Variants in LARGE1 observed in about 807,000 individuals in gnomAD.
LARGE1 encodes LARGE xylosyl- and glucuronyltransferase 1.
A neutral mutation model predicts 87.6 loss-of-function variants in LARGE1; 43 were observed. The observed-to-expected ratio is 0.49, with a 90% confidence interval of 0.38 to 0.63. The LOEUF (loss-of-function observed/expected upper bound fraction) is 0.63, where lower values mean the gene tolerates loss of function less well. Ranked by LOEUF, LARGE1 falls within the 30% of genes least tolerant of loss-of-function variation. LARGE1 has a pLI of 0.00. For missense variants in LARGE1, 802 were observed against 1,000.2 expected (o/e 0.80, Z 2.67); for synonymous variants, 434 against 394.6 (o/e 1.10, Z -1.18).
intron 2 of LARGE1, chr22:33,746,342 C>A (rs1008318559): frequency 6.6e-6 from 1 of 152,212 alleles, no homozygotes; most frequent in African/African-American, 2.4e-5. Flanking sequence ...ACAATAAATG[C>A]TCCATAAATA....
At chr22:33,823,504 A>C (rs965456741) in intron 1 of LARGE1, among the ~76,000 whole-genome samples, 4 of 152,240 alleles carry the variant, frequency 2.6e-5, no homozygotes, top group African/African-American at 9.6e-5. Context: ...CTAAGTTTAC[A>C]TGGAACTTGT....
chr22:33,781,938 T>G (rs1332456250), intron 1 of LARGE1, among the ~76,000 whole-genome samples: 5 of 152,278 alleles, frequency 3.3e-5, no homozygotes, highest in African/African-American at 9.6e-5. Flanking sequence ...TGTGTGTGTG[T>G]GTATATACAT....
rs371834241 is a variant in LARGE1, at chr22:33,382,095, G to C, written c.1006-51C>G. On this transcript the variant is annotated intron_variant, in intron 8 of 14. Transcript: ENST00000397394. ...GTCAAGACAGTCGGATGGTCCAGCT[G>C]CCCATTTTGGCTCTCAAGGCACTGC... The C allele has an allele frequency of 1.0e-4, 161 of 1,610,540 alleles. No homozygotes were observed. The African/African-American group carries it at 1.9e-3, about 19-fold the overall frequency.
intron 2 of LARGE1, among the ~76,000 whole-genome samples, chr22:33,747,509 C>T (rs879394218): frequency 1.3e-5 from 2 of 152,176 alleles, no homozygotes; most frequent in African/African-American, 2.4e-5. Flanking sequence ...GAGAGGCCTG[C>T]CCAGATCACC....
At chr22:33,604,323 A>G (rs1189149138) in intron 5 of LARGE1, 112 bp downstream of exon 5, 44 of 1,407,710 alleles carry the variant, frequency 3.1e-5, no homozygotes, top group Non-Finnish European at 4.4e-5. Flanking sequence ...TACGCCCTAC[A>G]CATTTTCAGT....
chr22:33,208,414 G>C (rs1924790557), intron 11 of LARGE1, among the ~76,000 whole-genome samples: 1 of 152,158 alleles, frequency 6.6e-6, no homozygotes, highest in South Asian at 2.1e-4. Flanking sequence ...AACAAGATAA[G>C]TACAAGGTAA....
rs199738506 is a variant in LARGE1, at chr22:33,878,154, T to A, written c.-83+41841A>T. Among the ~76,000 whole-genome samples the A allele has an allele frequency of 9.6e-4, 131 of 136,008 alleles. 2 individuals are homozygous for A. Among genetic ancestry groups the A allele is most frequent in the Admixed American group, 8.2e-3 (107 of 13,108 alleles). The allele number at this position is 136,008 out of a possible 152,430, so 89.2% of individuals were successfully genotyped here. A position where few individuals can be genotyped will look rare whatever the true frequency, so the allele number is the denominator to read the frequency against. ...CTTTTTTTTTTTTTTTTTTTTTTTT[T>A]AGAGACAGAGCCTTGCTCTGTTGCC... On this transcript the variant is annotated intron_variant, in intron 1 of 14. Coordinates refer to ENST00000397394, the MANE Select transcript of LARGE1 (RefSeq NM_133642.5).
intron 10 of LARGE1, among the ~76,000 whole-genome samples, chr22:33,328,320 G>A (rs528820393): frequency 3.9e-5 from 6 of 152,186 alleles, no homozygotes; most frequent in South Asian, 2.1e-4. Context: ...AGTGGCTCGC[G>A]CCTGTAATCC....
At chr22:33,707,726 T>G (rs1451447579) in intron 2 of LARGE1, among the ~76,000 whole-genome samples, 1 of 152,252 alleles carries the variant, frequency 6.6e-6, no homozygotes, top group Non-Finnish European at 1.5e-5. Context: ...GAGGATTTTG[T>G]GTCTCTTTTT....
intron 11 of LARGE1, among the ~76,000 whole-genome samples, chr22:33,186,369 T>C (rs745339948): frequency 3.9e-5 from 6 of 152,174 alleles, no homozygotes; most frequent in Non-Finnish European, 8.8e-5. Flanking sequence ...ATTTGAGAAG[T>C]AGCTACTGCA....
At chr22:33,444,964 G>T (rs2067627823) in intron 6 of LARGE1, among the ~76,000 whole-genome samples, 1 of 152,066 alleles carries the variant, frequency 6.6e-6, no homozygotes, top group Non-Finnish European at 1.5e-5. Flanking sequence ...CAAGTAGCTG[G>T]GATTACAGGC....
chr22:33,132,526 A>AGGGCTGGGCGCGGTGGCTCAC, the LARGE1 span, among the ~76,000 whole-genome samples: 1 of 146,798 alleles, frequency 6.8e-6, no homozygotes, highest in African/African-American at 2.5e-5. Context: ...AGTCATTATT[A>AGGGCTGGGCGCGGTGGCTCAC]GTATTTTTGT....
intron 6 of LARGE1, among the ~76,000 whole-genome samples, chr22:33,542,876 A>G (rs2148651656): frequency 6.6e-6 from 1 of 152,280 alleles, no homozygotes; most frequent in South Asian, 2.1e-4. Flanking sequence ...GCTAGTAAAG[A>G]TGAAACACAG....
chr22:33,349,508 A>T (rs1940154232), intron 9 of LARGE1, among the ~76,000 whole-genome samples: 1 of 152,150 alleles, frequency 6.6e-6, no homozygotes, highest in African/African-American at 2.4e-5. Flanking sequence ...GGACTGCTGG[A>T]TCCTTCAATG....
At chr22:33,367,577 A>G (rs995385266) in intron 9 of LARGE1, among the ~76,000 whole-genome samples, 3 of 151,466 alleles carry the variant, frequency 2.0e-5, no homozygotes, top group Non-Finnish European at 4.4e-5. Flanking sequence ...CCACTGCCCC[A>G]CTCCCATCCC....
At chr22:33,696,504 C>A (rs1015709658) in intron 2 of LARGE1, among the ~76,000 whole-genome samples, 1 of 152,036 alleles carries the variant, frequency 6.6e-6, no homozygotes, top group African/African-American at 2.4e-5. Flanking sequence ...CTCAATCAAT[C>A]CGCCCGCCTT....
At chr22:33,093,822 C>CTTTTTTTTTTTTTTTTT in the LARGE1 span, among the ~76,000 whole-genome samples, 12 of 81,560 alleles carry the variant, frequency 1.5e-4, no homozygotes, top group Admixed American at 4.6e-4. Context: ...TTCTTTCTTT[C>CTTTTTTTTTTTTTTTTT]TTTTTTTTTT....
intron 11 of LARGE1, among the ~76,000 whole-genome samples, chr22:33,194,855 C>T (rs1923983553): frequency 6.6e-6 from 1 of 152,160 alleles, no homozygotes; most frequent in African/African-American, 2.4e-5. Context: ...GTCAGCATTA[C>T]ACCTAGGTTG....
intron 4 of LARGE1, among the ~76,000 whole-genome samples, chr22:33,617,532 A>G (rs1258088814): frequency 6.6e-6 from 1 of 152,232 alleles, no homozygotes; most frequent in Non-Finnish European, 1.5e-5. Context: ...TTAGTTTTAT[A>G]TTTGTATAAC....
Sources: allele counts gnomAD v4.1 joint callset (sites outside exome capture counted in the v4.1 genomes callset), GRCh38; gene constraint gnomAD v4.1.1; transcripts MANE v1.5; gene names NCBI Gene and HGNC (gene_info 2026-07-23, HGNC 2026-07-21).